PARP15: variants seen among roughly 807,000 people sequenced by gnomAD.
PARP15 encodes the protein protein mono-ADP-ribosyltransferase PARP15.
In PARP15, 50 loss-of-function variants were observed where a neutral mutation model predicts 62.1. The ratio of observed to expected loss-of-function variants is 0.81; its 90% confidence interval spans 0.64 to 1.02. The LOEUF (loss-of-function observed/expected upper bound fraction) is 1.02, where lower values mean the gene tolerates loss of function less well. Among genes scored for constraint, PARP15 ranks in the 50% least tolerant of loss-of-function variants. The pLI is 0.00. For missense variants in PARP15, 820 were observed against 826.5 expected (o/e 0.99, Z 0.10); for synonymous variants, 309 against 293.1 (o/e 1.05, Z -0.55).
Position 122,632,223 on chromosome 3 carries a change from A to G in PARP15, c.1572+4A>G, listed in dbSNP as rs1311328880. ...TTCTTCCTACGCAATAGAGAAGGTA[A>G]TACTGTGTTAAAATTTACTGTTCAA... On this transcript the variant is annotated splice_donor_region_variant and intron_variant, in intron 10 of 11. Transcript: ENST00000464300. The G allele has an allele frequency of 2.5e-6, 4 of 1,610,530 alleles. No individual in the cohort carries two copies. In the South Asian group the frequency reaches 4.4e-5, roughly 18 times the overall value.
Position 122,630,449 on chromosome 3 carries a change from C to A in PARP15, c.1439-1637C>A, listed in dbSNP as rs145052167. On this transcript the variant is annotated intron_variant, in intron 9 of 11. Transcript: ENST00000464300. The stretch of plus-strand genomic sequence containing the variant: ...CCTGTAATCCCAGCACTTCAGAAGG[C>A]CAAGGCAGGAGGATTGCTTCAGCCC... Among the ~76,000 whole-genome samples, 1,342 of 152,240 alleles carry A rather than the reference C, an allele frequency of 8.8e-3. 28 individuals are homozygous for A. The highest frequency in any genetic ancestry group is 0.031 in the African/African-American group (1,278 of 41,518).
intron 4 of PARP15, among the ~76,000 whole-genome samples, chr3:122,613,796 T>A (rs896290425): frequency 1.3e-5 from 2 of 150,108 alleles, no homozygotes; most frequent in Non-Finnish European, 3.0e-5. Context: ...TTGGGTGACA[T>A]ACCTCTCTGA....
chr3:122,623,400 G>A (rs1280804158), intron 8 of PARP15, among the ~76,000 whole-genome samples: 1 of 152,214 alleles, frequency 6.6e-6, no homozygotes, highest in East Asian at 1.9e-4. Flanking sequence ...GAGGTCACAG[G>A]TGTAGGTGTG....
At chr3:122,585,539 C>T (rs1246477685) in intron 1 of PARP15, among the ~76,000 whole-genome samples, 3 of 152,180 alleles carry the variant, frequency 2.0e-5, no homozygotes, top group African/African-American at 7.2e-5. Flanking sequence ...TTAATATGGT[C>T]CCCATTCCTT....
intron 1 of PARP15, among the ~76,000 whole-genome samples, chr3:122,592,848 A>C (rs927781093): frequency 4.6e-5 from 7 of 152,168 alleles, no homozygotes. Context: ...AATCCCAGGC[A>C]ACCCTTGCTT....
At chr3:122,590,465 G>A (rs188493277) in intron 1 of PARP15, among the ~76,000 whole-genome samples, 2,493 of 151,332 alleles carry the variant, frequency 0.016, 36 homozygotes, top group Non-Finnish European at 0.026. Flanking sequence ...TATTAGAGAC[G>A]GGGTTTCGCC....
intron 4 of PARP15, among the ~76,000 whole-genome samples, chr3:122,614,725 G>C (rs1051600484): frequency 6.6e-6 from 1 of 152,100 alleles, no homozygotes; most frequent in African/African-American, 2.4e-5. Flanking sequence ...AAATTTCATT[G>C]TTAACCAAGA....
At chr3:122,592,768 A>G (rs1264037710) in intron 1 of PARP15, among the ~76,000 whole-genome samples, 1 of 152,184 alleles carries the variant, frequency 6.6e-6, no homozygotes, top group Non-Finnish European at 1.5e-5. Context: ...TGGGTGAGGA[A>G]ACTAAGGCAT....
Position 122,635,013 on chromosome 3 carries a change from C to T in PARP15, c.1573-7C>T. On this transcript the variant is annotated splice_region_variant and splice_polypyrimidine_tract_variant and intron_variant, in intron 10 of 11. Coordinates refer to ENST00000464300, the MANE Select transcript of PARP15 (RefSeq NM_001113523.3). The stretch of plus-strand genomic sequence containing the variant: ...TTCTGAAATATTTTGTCTTTTGTTA[C>T]CTGCAGATTGAGAGGATACAGAATG... 1 of 1,613,426 alleles carries T rather than the reference C, an allele frequency of 6.2e-7. No individual in the cohort carries two copies.
At chr3:122,604,402 T>A (rs1935015849) in intron 1 of PARP15, among the ~76,000 whole-genome samples, 1 of 152,198 alleles carries the variant, frequency 6.6e-6, no homozygotes, top group African/African-American at 2.4e-5. Flanking sequence ...AGGATTCAAG[T>A]GCAACTTATT....
At position 122,610,543 on chromosome 3, in the gene PARP15, G is replaced by A. The variant is rs867744920; in HGVS notation, c.356G>A (p.Gly119Glu). The change falls in exon 3 of 12, where the codon GGA becomes GAA. Residue 119 changes from glycine (G) to glutamate (E), a missense_variant. Physicochemically the swap from Gly to Glu is moderately conservative, Grantham distance 98. Coordinates refer to ENST00000464300, the MANE Select transcript of PARP15 (RefSeq NM_001113523.3). ...CCCATGAATCTTCAGCTTGGAGGAG[G>A]ACCACTATCTCGGGCATTTTTGCAG... ...SVPMNLQLGGGPLSRAFLQKA... is the reference protein window; with the variant it reads ...SVPMNLQLGGEPLSRAFLQKA... The A allele has an allele frequency of 1.3e-6, 2 of 1,551,686 alleles. No individual in the cohort carries two copies. The highest frequency in any genetic ancestry group is 1.7e-6 in the Non-Finnish European group (2 of 1,146,996).
intron 2 of PARP15, among the ~76,000 whole-genome samples, chr3:122,608,184 C>T (rs184897653): frequency 6.6e-6 from 1 of 151,278 alleles, no homozygotes; most frequent in African/African-American, 2.4e-5. Context: ...CTTTCACAAT[C>T]CCATGCTTTC....
At chr3:122,634,255 T>C (rs542474747) in intron 10 of PARP15, among the ~76,000 whole-genome samples, 1 of 152,328 alleles carries the variant, frequency 6.6e-6, no homozygotes, top group East Asian at 1.9e-4. Flanking sequence ...TGTGTTCTCC[T>C]GACCATCCCT....
At chr3:122,617,361 A>G (rs1156399276) in intron 6 of PARP15, among the ~76,000 whole-genome samples, 197 bp downstream of exon 6, 1 of 152,140 alleles carries the variant, frequency 6.6e-6, no homozygotes, top group Non-Finnish European at 1.5e-5. Flanking sequence ...AACCTCTCTG[A>G]GTGTCAGTTT....
chr3:122,593,644 A>G, intron 1 of PARP15, among the ~76,000 whole-genome samples: 1 of 152,338 alleles, frequency 6.6e-6, no homozygotes, highest in Admixed American at 6.5e-5. Context: ...TGTATAGGAC[A>G]TTATACATAC....
chr3:122,594,521 A>G, intron 1 of PARP15: 2 of 980,694 alleles, frequency 2.0e-6, no homozygotes, highest in Non-Finnish European at 2.4e-6. Context: ...ATTGGAAGTC[A>G]TTGTTAAAGA....
chr3:122,609,103 G>A (rs9823535), intron 2 of PARP15, among the ~76,000 whole-genome samples: 9,188 of 152,168 alleles, frequency 0.06, 305 homozygotes, highest in Middle Eastern at 0.075. Context: ...GTAGGAATCA[G>A]TAAATGGAGA....
At chr3:122,620,567 T>C (rs1188781189) in intron 7 of PARP15, among the ~76,000 whole-genome samples, 2 of 152,176 alleles carry the variant, frequency 1.3e-5, no homozygotes, top group African/African-American at 4.8e-5. Flanking sequence ...CTGGAGTGAA[T>C]ACAGTTCTGG....
Position 122,637,168 on chromosome 3 carries a change from C to A in PARP15, c.*1068C>A, listed in dbSNP as rs1937417547. ...CTGTGTGAATGAGCAAATGAATGCA[C>A]AGATAGAATATTAGCAGTGACAATG... On this transcript the variant is annotated 3_prime_UTR_variant, in exon 12 of 12. Transcript: ENST00000464300. 6.6e-6 allele frequency: 1 copy of A among 152,164 alleles called. No homozygotes were observed. The highest frequency in any genetic ancestry group is 1.5e-5 in the Non-Finnish European group (1 of 68,070). The allele number at this position is 152,164 out of a possible 1,614,324, so 9.4% of individuals were successfully genotyped here.
Sources: allele counts gnomAD v4.1 joint callset (sites outside exome capture counted in the v4.1 genomes callset), GRCh38; gene constraint gnomAD v4.1.1; transcripts MANE v1.5; gene names NCBI Gene and HGNC (gene_info 2026-07-23, HGNC 2026-07-21).